The following HAS3 variants were observed in gnomAD, a reference collection of about 807,000 sequenced individuals.
The protein encoded by HAS3 is hyaluronan synthase 3, also known as HA synthase 3.
A neutral mutation model predicts 50.3 loss-of-function variants in HAS3; 27 were observed. The ratio of observed to expected loss-of-function variants is 0.54; its 90% CI spans 0.40 to 0.74. HAS3 has a LOEUF of 0.74. HAS3 is among the 30% of genes least tolerant of loss of function. The pLI is 0.00. For synonymous variants in HAS3, 339 were observed against 310.9 expected (o/e 1.09, Z -0.95); for missense variants, 517 against 742.8 (o/e 0.70, Z 3.53).
Position 69,109,368 on chromosome 16 carries a change from CCCTTCAT to C in HAS3, c.1-26_1-20del. 1 of 1,576,096 alleles carries C rather than the reference CCCTTCAT, an allele frequency of 6.3e-7. No individual in the cohort carries two copies. Among genetic ancestry groups the C allele is most frequent in the Non-Finnish European group, 8.6e-7 (1 of 1,164,540 alleles). ...ACTGGAAATGCTGCCTCCTGCCTGA[CCCTTCAT>C]CTCCTGCCTTCTCTCGCCAGATGCC... On this transcript the variant is annotated intron_variant, in intron 1 of 3. Transcript: ENST00000569188. This position sits in a 1 kb window ranked among gnomAD's most constrained non-coding sequence, Gnocchi z 5.3.
intron 2 of HAS3, among the ~76,000 whole-genome samples, chr16:69,112,667 A>G (rs1961048427): frequency 6.6e-6 from 1 of 152,160 alleles, no homozygotes; most frequent in Admixed American, 6.5e-5. Context: ...GTACCACTTC[A>G]CTAATTTTTT....
the HAS3 span, among the ~76,000 whole-genome samples, chr16:69,087,993 T>G: frequency 2.0e-5 from 3 of 151,864 alleles, no homozygotes; most frequent in South Asian, 2.1e-4. Context: ...CATGAGCTAC[T>G]GCACCCGGCC....
chr16:69,108,523 G>A (rs1227564025), intron 1 of HAS3, among the ~76,000 whole-genome samples: 1 of 152,194 alleles, frequency 6.6e-6, no homozygotes, highest in Admixed American at 6.5e-5. Flanking sequence ...TTGTTTCCAG[G>A]AGTGGCTGGG....
At chr16:69,085,589 T>C in the HAS3 span, among the ~76,000 whole-genome samples, 81 of 146,692 alleles carry the variant, frequency 5.5e-4, no homozygotes, top group African/African-American at 2.0e-3. Context: ...TTCTTCTTTC[T>C]TTCTTTTTTT....
Position 69,107,345 on chromosome 16 carries a change from A to G in HAS3, c.-1+1558A>G, listed in dbSNP as rs1960835626. ...CCCAGGGAAGGAGAGGGCCGGCTAC[A>G]CCGGGGATGCGCCTTTGTCTACAGG... is the stretch of plus-strand genomic sequence containing the variant. On this transcript the variant is annotated intron_variant, in intron 1 of 3. Transcript: ENST00000569188. The surrounding 1 kb of genome is among the most constrained non-coding windows in gnomAD (Gnocchi z 5.5). 1 of 984,198 alleles carries G rather than the reference A, an allele frequency of 1.0e-6. No homozygotes were observed. The highest frequency in any genetic ancestry group is 1.2e-6 in the Non-Finnish European group (1 of 828,854). 61.0% of individuals were successfully genotyped at this position (984,198 alleles called of 1,614,324 possible).
chr16:69,116,338 C>A lies in HAS3; in HGVS notation c.*1072C>A. The A allele has an allele frequency of 1.0e-6, 1 of 985,860 alleles. No individual in the cohort carries two copies. Among genetic ancestry groups the A allele is most frequent in the Non-Finnish European group, 1.2e-6 (1 of 829,904 alleles). 61.1% of individuals were successfully genotyped at this position (985,860 alleles called of 1,614,324 possible). A position where few individuals can be genotyped will look rare whatever the true frequency, so the allele number is the denominator to read the frequency against. ...CAGCAGGAGGCAAGCGTGTTCTCAG[C>A]ACATATGGGAACTATGAGGAGCCTC... On this transcript the variant is annotated 3_prime_UTR_variant, in exon 4 of 4. Transcript: ENST00000569188.
chr16:69,107,015 G>C lies in HAS3; in HGVS notation c.-1+1228G>C, dbSNP rs961681192. Reference sequence around the variant, plus strand: ...GTAGTCCTGGGAGCCGGACTTGAGAGCGCCCCCAACCTTGTGCCCTTGAAA... The same window carrying C: ...GTAGTCCTGGGAGCCGGACTTGAGACCGCCCCCAACCTTGTGCCCTTGAAA... On this transcript the variant is annotated intron_variant, in intron 1 of 3. Coordinates refer to ENST00000569188, the MANE Select transcript of HAS3 (RefSeq NM_001199280.2). This position sits in a 1 kb window ranked among gnomAD's most constrained non-coding sequence, Gnocchi z 5.5. 6.6e-6 allele frequency: 1 copy of C among 152,250 alleles called. No individual in the cohort carries two copies. The highest frequency in any genetic ancestry group is 2.4e-5 in the African/African-American group (1 of 41,458). The allele number at this position is 152,250 out of a possible 1,614,324, so 9.4% of individuals were successfully genotyped here. A position where few individuals can be genotyped will look rare whatever the true frequency, so the allele number is the denominator to read the frequency against.
the HAS3 span, among the ~76,000 whole-genome samples, chr16:69,099,453 G>T: frequency 1.3e-5 from 2 of 151,804 alleles, no homozygotes; most frequent in Admixed American, 1.3e-4. Flanking sequence ...TCAGCCTCCC[G>T]AGTAGCTGGG....
At chr16:69,099,144 T>C in the HAS3 span, among the ~76,000 whole-genome samples, 1 of 151,656 alleles carries the variant, frequency 6.6e-6, no homozygotes, top group African/African-American at 2.4e-5. Context: ...GCTAATTTTT[T>C]GTATTTTTAG....
the HAS3 span, among the ~76,000 whole-genome samples, chr16:69,086,891 C>T: frequency 1.3e-5 from 2 of 151,892 alleles, no homozygotes; most frequent in Non-Finnish European, 2.9e-5. Context: ...GCAACAAGAG[C>T]GAAACTCTGT....
rs1961169296 is a variant in HAS3, at chr16:69,116,078, G to T, written c.*812G>T. On this transcript the variant is annotated 3_prime_UTR_variant, in exon 4 of 4. Coordinates refer to ENST00000569188, the MANE Select transcript of HAS3 (RefSeq NM_001199280.2). Reference sequence around the variant, plus strand: ...GTGATCTCTGCTGGGGAGATAAAAAGATTAAGCCCCAACATGTTCAGAAAA... The same window carrying T: ...GTGATCTCTGCTGGGGAGATAAAAATATTAAGCCCCAACATGTTCAGAAAA... 3 of 985,542 alleles carry T rather than the reference G, an allele frequency of 3.0e-6. No homozygotes were observed. Among genetic ancestry groups the T allele is most frequent in the Middle Eastern group, 5.2e-4 (1 of 1,914 alleles). The allele number at this position is 985,542 out of a possible 1,614,324, so 61.0% of individuals were successfully genotyped here. A position where few individuals can be genotyped will look rare whatever the true frequency, so the allele number is the denominator to read the frequency against.
At chr16:69,096,321 A>G in the HAS3 span, among the ~76,000 whole-genome samples, 6 of 151,406 alleles carry the variant, frequency 4.0e-5, no homozygotes, top group Admixed American at 1.3e-4. Context: ...ACTTGAGGTC[A>G]GGAGTTTGAG....
the HAS3 span, among the ~76,000 whole-genome samples, chr16:69,091,323 A>G: frequency 6.6e-6 from 1 of 152,096 alleles, no homozygotes; most frequent in Admixed American, 6.6e-5. Context: ...CAGCTTAATC[A>G]TTTGTTTATT....
At position 69,115,261 on chromosome 16, in the gene HAS3, G is replaced by A. The variant is rs372206673; in HGVS notation, c.1657G>A (p.Val553Met). The change falls in exon 4 of 4, where the codon GTG (valine) becomes ATG (methionine). Residue 553 changes from valine (V) to methionine (M), a missense_variant. Val to Met is a conservative substitution (Grantham distance 21). Transcript: ENST00000569188. Reference sequence around the variant, plus strand: ...GCAGTACAGCTTGGCTTTTGCTGAGGTGTGACATGGCCCCCAAGCAGAGCG... The same window carrying A: ...GCAGTACAGCTTGGCTTTTGCTGAGATGTGACATGGCCCCCAAGCAGAGCG... The part of the protein sequence containing the change: ...PEQYSLAFAE[V>M] The A allele has an allele frequency of 3.3e-6, 5 of 1,517,974 alleles. No homozygotes were observed. Among genetic ancestry groups the A allele is most frequent in the Non-Finnish European group, 3.5e-6 (4 of 1,134,974 alleles). 94.0% of individuals were successfully genotyped at this position (1,517,974 alleles called of 1,614,324 possible).
chr16:69,089,760 T>C, the HAS3 span, among the ~76,000 whole-genome samples: 1 of 151,850 alleles, frequency 6.6e-6, no homozygotes, highest in African/African-American at 2.4e-5. Context: ...ATTAGGGAGG[T>C]CATCCCCTGT....
the HAS3 span, among the ~76,000 whole-genome samples, chr16:69,093,608 G>A: frequency 8.9e-4 from 115 of 129,176 alleles, 1 homozygote; most frequent in Admixed American, 2.8e-4. Flanking sequence ...TCGGCTCACC[G>A]CAACCTCCAC....
chr16:69,087,743 C>T, the HAS3 span, among the ~76,000 whole-genome samples: 1 of 132,504 alleles, frequency 7.5e-6, no homozygotes, highest in South Asian at 2.4e-4. Context: ...TGCTCTGTTG[C>T]CCTGGCTGGA....
At chr16:69,101,202 C>T (rs770899979), upstream of HAS3, among the ~76,000 whole-genome samples, 12 of 152,260 alleles carry the variant, frequency 7.9e-5, no homozygotes, top group Non-Finnish European at 1.6e-4. Context: ...AAGTCCTCCA[C>T]TCCGGTCCTA....
the HAS3 span, among the ~76,000 whole-genome samples, chr16:69,098,067 T>A: frequency 6.6e-6 from 1 of 152,152 alleles, no homozygotes; most frequent in Non-Finnish European, 1.5e-5. Context: ...TGATAGAGAC[T>A]GCACCCCACC....
Sources: allele counts gnomAD v4.1 joint callset (sites outside exome capture counted in the v4.1 genomes callset), GRCh38; gene constraint gnomAD v4.1.1; non-coding constraint Gnocchi (gnomAD v3.1); transcripts MANE v1.5; gene names NCBI Gene and HGNC (gene_info 2026-07-23, HGNC 2026-07-21).